Variants in AUH observed in about 807,000 individuals in gnomAD.
AUH encodes methylglutaconyl-CoA hydratase, mitochondrial.
A neutral mutation model predicts 42.3 loss-of-function variants in AUH; 29 were observed. The observed-to-expected ratio is 0.69, with a 90% CI of 0.51 to 0.93. The LOEUF is 0.93. Ranked by LOEUF, AUH falls within the 40% of genes least tolerant of loss-of-function variation. The probability of loss-of-function intolerance (pLI) is 0.00; values close to 1 mark genes in which losing one functional copy is unlikely to be tolerated. For synonymous variants in AUH, 174 were observed against 166.4 expected (o/e 1.05, Z -0.35); for missense variants, 452 against 438.1 (o/e 1.03, Z -0.28).
intron 6 of AUH, among the ~76,000 whole-genome samples, chr9:91,237,026 T>G (rs1361554616): frequency 6.6e-6 from 1 of 152,216 alleles, no homozygotes. Context: ...CTTATTGAAT[T>G]CTTAATGAAT....
At chr9:91,221,060 A>G (rs1323761673) in intron 6 of AUH, 68 bp from the exon 7 acceptor site, 11 of 1,530,222 alleles carry the variant, frequency 7.2e-6, no homozygotes, top group East Asian at 4.5e-5. Context: ...TCAGTGTTTC[A>G]TATCTTCATT....
intron 6 of AUH, among the ~76,000 whole-genome samples, chr9:91,286,248 G>A (rs1350083007): frequency 2.6e-5 from 4 of 151,940 alleles, no homozygotes; most frequent in Non-Finnish European, 4.4e-5. Flanking sequence ...ATTTAAAATC[G>A]AGTTCCAGGA....
chr9:91,328,271 T>A (rs1202821740), intron 3 of AUH, among the ~76,000 whole-genome samples: 2 of 152,312 alleles, frequency 1.3e-5, no homozygotes, highest in East Asian at 3.9e-4. Flanking sequence ...CATATAGCAA[T>A]GCTGTAATAC....
intron 3 of AUH, among the ~76,000 whole-genome samples, chr9:91,340,427 T>C (rs1242963003): frequency 2.0e-5 from 3 of 152,242 alleles, no homozygotes; most frequent in East Asian, 3.8e-4. Flanking sequence ...ATGTTGCCTT[T>C]TTCTTTAGAG....
chr9:91,217,411 C>T (rs1826886958), intron 7 of AUH, 84 bp from the exon 8 acceptor site: 2 of 1,420,524 alleles, frequency 1.4e-6, no homozygotes, highest in African/African-American at 2.8e-5. Context: ...AGAATTCCCA[C>T]CACTGGATCC....
At chr9:91,338,746 T>C (rs1035882625) in intron 3 of AUH, among the ~76,000 whole-genome samples, 6 of 152,154 alleles carry the variant, frequency 3.9e-5, no homozygotes, top group Non-Finnish European at 7.4e-5. Context: ...AGAATATATA[T>C]AAAATGCTAC....
intron 4 of AUH, among the ~76,000 whole-genome samples, chr9:91,305,003 T>C (rs989520361): frequency 6.6e-6 from 1 of 152,192 alleles, no homozygotes; most frequent in Non-Finnish European, 1.5e-5. Context: ...ATTTCAGCAA[T>C]ACATTATTCA....
chr9:91,290,923 T>C (rs1826822666), intron 6 of AUH, among the ~76,000 whole-genome samples: 1 of 152,206 alleles, frequency 6.6e-6, no homozygotes, highest in Non-Finnish European at 1.5e-5. Context: ...TATTCATTGC[T>C]ATAACAAATT....
At chr9:91,238,612 A>G (rs149124836) in intron 6 of AUH, among the ~76,000 whole-genome samples, 48 of 152,374 alleles carry the variant, frequency 3.2e-4, no homozygotes, top group African/African-American at 1.1e-3. Flanking sequence ...TCACTTGGAT[A>G]GAATAAAGAT....
intron 6 of AUH, among the ~76,000 whole-genome samples, chr9:91,283,992 C>A (rs1220530787): frequency 1.3e-5 from 2 of 150,992 alleles, no homozygotes; most frequent in East Asian, 3.9e-4. Flanking sequence ...AAAAAAAGGG[C>A]CCGCATTGCC....
intron 3 of AUH, among the ~76,000 whole-genome samples, chr9:91,339,729 A>G (rs149716433): frequency 4.9e-4 from 74 of 152,298 alleles, no homozygotes; most frequent in African/African-American, 1.7e-3. Context: ...TGTGGCTGCA[A>G]TGGAGTAACT....
chr9:91,222,579 T>A (rs1418069235), intron 6 of AUH, among the ~76,000 whole-genome samples: 1 of 152,216 alleles, frequency 6.6e-6, no homozygotes, highest in African/African-American at 2.4e-5. Flanking sequence ...CAAATTTAAA[T>A]TTAACTTTCG....
intron 4 of AUH, among the ~76,000 whole-genome samples, chr9:91,324,910 CTG>C (rs1829865208): frequency 6.6e-6 from 1 of 151,546 alleles, no homozygotes; most frequent in Non-Finnish European, 1.5e-5. Flanking sequence ...TTGGATAAGA[CTG>C]GATTAATATA....
At chr9:91,355,736 T>C (rs918427736) in intron 3 of AUH, 147 bp downstream of exon 3, 1 of 713,308 alleles carries the variant, frequency 1.4e-6, no homozygotes, top group African/African-American at 1.8e-5. Flanking sequence ...ACTAAGCATG[T>C]TTTTTTCTTG....
chr9:91,295,129 G>A (rs1019698603), intron 6 of AUH, among the ~76,000 whole-genome samples: 2 of 151,890 alleles, frequency 1.3e-5, no homozygotes, highest in Admixed American at 1.3e-4. Context: ...ATTCTCTCTG[G>A]ACTGCCTCTA....
At chr9:91,356,045 A>G (rs767184706) in intron 2 of AUH, 43 bp downstream of exon 2, 3 of 1,595,924 alleles carry the variant, frequency 1.9e-6, no homozygotes, top group Admixed American at 3.3e-5. Context: ...TGACAATAAT[A>G]TATCTTAATA....
intron 4 of AUH, among the ~76,000 whole-genome samples, chr9:91,305,575 T>C (rs1482960414): frequency 6.6e-6 from 1 of 152,208 alleles, no homozygotes; most frequent in Non-Finnish European, 1.5e-5. Context: ...CTGAGAAAAG[T>C]TGCTTAATTT....
Position 91,267,687 on chromosome 9 carries a change from TGGTTTAAG to T in AUH, c.655+28326_655+28333del, listed in dbSNP as rs1564048396. On this transcript the variant is annotated intron_variant, in intron 6 of 9. Transcript: ENST00000375731. ...TGAAATGCTGCATCCTTGCTGTTAG[TGGTTTAAG>T]GGAGCCTCGGTCTATGATTCAGAAA... Among the ~76,000 whole-genome samples, 135 of 152,208 alleles carry T rather than the reference TGGTTTAAG, an allele frequency of 8.9e-4. 1 individual carries two copies. Among genetic ancestry groups the T allele is most frequent in the African/African-American group, 3.2e-3 (133 of 41,518 alleles).
intron 6 of AUH, among the ~76,000 whole-genome samples, chr9:91,232,955 T>G (rs1004848344): frequency 6.6e-6 from 1 of 152,248 alleles, no homozygotes; most frequent in African/African-American, 2.4e-5. Flanking sequence ...TGCTGTCTAC[T>G]TGTTGTTTAG....
Sources: allele counts gnomAD v4.1 joint callset (sites outside exome capture counted in the v4.1 genomes callset), GRCh38; gene constraint gnomAD v4.1.1; transcripts MANE v1.5; gene names NCBI Gene and HGNC (gene_info 2026-07-23, HGNC 2026-07-21).